ZNF385D: variants seen among roughly 807,000 people sequenced by gnomAD.
The protein encoded by ZNF385D is zinc finger protein 385D, also known as zinc finger protein 659.
ZNF385D carries 15 observed loss-of-function variants against 35.8 expected under a neutral mutation model. That is an observed-to-expected ratio of 0.42 (90% confidence interval 0.28 to 0.64). The LOEUF is 0.64. Among genes scored for constraint, ZNF385D ranks in the 30% least tolerant of loss-of-function variants. The pLI is 0.23. For synonymous variants in ZNF385D, 212 were observed against 186.8 expected, an observed-to-expected ratio of 1.13 and a Z score of -1.10; for missense variants, 474 against 494.6, an observed-to-expected ratio of 0.96 and a Z score of 0.39.
intron 1 of ZNF385D, among the ~76,000 whole-genome samples, chr3:21,677,888 T>C (rs1256747603): frequency 6.6e-6 from 1 of 151,992 alleles, no homozygotes; most frequent in African/African-American, 2.4e-5. Flanking sequence ...CGTACATAGG[T>C]TGATTGATTT....
At chr3:22,184,334 T>TA in intron 2 of ZNF385D, among the ~76,000 whole-genome samples, 2 of 152,282 alleles carry the variant, frequency 1.3e-5, no homozygotes, top group African/African-American at 4.8e-5. Context: ...CTTTAAAATA[T>TA]ATCTTAAAAA....
At chr3:21,558,445 T>G in intron 3 of ZNF385D, among the ~76,000 whole-genome samples, 1 of 152,172 alleles carries the variant, frequency 6.6e-6, no homozygotes, top group Admixed American at 6.5e-5. Context: ...GTTGTTCAGT[T>G]TCCATGTTGT....
chr3:21,547,435 C>T (rs2062413884), intron 3 of ZNF385D, among the ~76,000 whole-genome samples: 1 of 151,920 alleles, frequency 6.6e-6, no homozygotes, highest in African/African-American at 2.4e-5. Context: ...TTCAGGACAT[C>T]AAACTCCAAA....
chr3:22,255,358 ATATAT>A (rs1292494832), intron 2 of ZNF385D, among the ~76,000 whole-genome samples: 1 of 151,660 alleles, frequency 6.6e-6, no homozygotes, highest in Non-Finnish European at 1.5e-5. Context: ...GAACAGACAA[ATATAT>A]TATTGTTTTA....
chr3:22,228,082 T>A (rs2125292306), intron 2 of ZNF385D, among the ~76,000 whole-genome samples: 1 of 152,142 alleles, frequency 6.6e-6, no homozygotes, highest in East Asian at 1.9e-4. Context: ...GAGACGGTGG[T>A]GATTGACAGA....
chr3:21,638,040 C>A (rs1191373737), intron 2 of ZNF385D, among the ~76,000 whole-genome samples: 3 of 151,932 alleles, frequency 2.0e-5, no homozygotes, highest in Non-Finnish European at 2.9e-5. Context: ...AGAAGCTTGG[C>A]AGTAAAAATA....
At chr3:22,212,057 G>T (rs540536375) in intron 2 of ZNF385D, among the ~76,000 whole-genome samples, 3 of 152,146 alleles carry the variant, frequency 2.0e-5, no homozygotes, top group Non-Finnish European at 2.9e-5. Context: ...AATAGGGAAA[G>T]TGTAGTACTT....
At chr3:21,591,579 A>G (rs1185039337) in intron 2 of ZNF385D, among the ~76,000 whole-genome samples, 1 of 152,212 alleles carries the variant, frequency 6.6e-6, no homozygotes, top group Non-Finnish European at 1.5e-5. Flanking sequence ...ACTAGGCATC[A>G]TAAGTATTTG....
chr3:21,952,689 A>G (rs1198169034), intron 3 of ZNF385D, among the ~76,000 whole-genome samples: 2 of 151,994 alleles, frequency 1.3e-5, no homozygotes, highest in Non-Finnish European at 2.9e-5. Context: ...TCACTTAAAT[A>G]TATTTATTTC....
intron 3 of ZNF385D, among the ~76,000 whole-genome samples, chr3:21,948,042 A>G (rs536084937): frequency 1.3e-5 from 2 of 152,096 alleles, no homozygotes; most frequent in African/African-American, 4.8e-5. Context: ...ATATAAATTT[A>G]TGTCTGATTC....
At position 22,218,862 on chromosome 3, in the gene ZNF385D, T is replaced by C. The variant is rs529200856; in HGVS notation, c.107-49827A>G. Reference sequence around the variant, plus strand: ...CTTAATGTAGGGTTGATCTGAGATATCTAGGTAGCCATTACTAGAGGGCTC... The same window carrying C: ...CTTAATGTAGGGTTGATCTGAGATACCTAGGTAGCCATTACTAGAGGGCTC... On this transcript the variant is annotated intron_variant, in intron 2 of 5. Coordinates refer to the ZNF385D transcript ENST00000494108. Among the ~76,000 whole-genome samples the C allele has an allele frequency of 3.0e-4, 46 of 152,300 alleles. 1 individual carries two copies. Among genetic ancestry groups the C allele is most frequent in the African/African-American group, 1.1e-3 (46 of 41,578 alleles).
chr3:21,636,874 G>GT (rs1324086806), intron 2 of ZNF385D, among the ~76,000 whole-genome samples: 2 of 151,744 alleles, frequency 1.3e-5, no homozygotes, highest in African/African-American at 2.4e-5. Context: ...TTTTTTATGT[G>GT]TTTTTTGGCC....
At chr3:21,975,722 TA>T (rs1221312234) in intron 3 of ZNF385D, among the ~76,000 whole-genome samples, 1 of 5,146 alleles carries the variant, frequency 1.9e-4, no homozygotes, top group Non-Finnish European at 5.6e-4. Flanking sequence ...TATATATATA[TA>T]TATATATATA....
At chr3:21,809,354 T>A (rs538004165) in intron 3 of ZNF385D, among the ~76,000 whole-genome samples, 1 of 150,040 alleles carries the variant, frequency 6.7e-6, no homozygotes, top group African/African-American at 2.4e-5. Flanking sequence ...ACTCTTGGGT[T>A]TTTAAAATTA....
chr3:21,908,808 G>T (rs1209121906), intron 3 of ZNF385D, among the ~76,000 whole-genome samples: 1 of 151,858 alleles, frequency 6.6e-6, no homozygotes, highest in Non-Finnish European at 1.5e-5. Flanking sequence ...AACAACCTTT[G>T]CCTGGGAAAC....
intron 3 of ZNF385D, among the ~76,000 whole-genome samples, chr3:21,945,553 T>A (rs1419204977): frequency 6.6e-6 from 1 of 152,218 alleles, no homozygotes; most frequent in African/African-American, 2.4e-5. Context: ...ATTTTGATCA[T>A]GTGAAAGAAG....
intron 2 of ZNF385D, among the ~76,000 whole-genome samples, chr3:22,199,066 T>C (rs1177514634): frequency 6.6e-6 from 1 of 152,124 alleles, no homozygotes; most frequent in East Asian, 1.9e-4. Context: ...GTATTTTACT[T>C]CTGCTCTTTT....
chr3:21,904,449 C>A (rs1452335626), intron 3 of ZNF385D, among the ~76,000 whole-genome samples: 1 of 151,722 alleles, frequency 6.6e-6, no homozygotes, highest in Non-Finnish European at 1.5e-5. Context: ...TTTTAAAAAA[C>A]TACTATGCAG....
intron 3 of ZNF385D, among the ~76,000 whole-genome samples, chr3:21,543,705 T>A (rs1413716312): frequency 2.0e-5 from 3 of 152,226 alleles, no homozygotes; most frequent in Non-Finnish European, 4.4e-5. Context: ...TCCCCTTCTG[T>A]GTCCTGTCAG....
Sources: allele counts gnomAD v4.1 joint callset (sites outside exome capture counted in the v4.1 genomes callset), GRCh38; gene constraint gnomAD v4.1.1; transcripts MANE v1.5; gene names NCBI Gene and HGNC (gene_info 2026-07-23, HGNC 2026-07-21).